Variants in PEX5L observed in about 807,000 individuals in gnomAD.
PEX5L encodes the protein PEX5-related protein.
In PEX5L, 30 loss-of-function variants were observed where a neutral mutation model predicts 84.0. The observed-to-expected ratio is 0.36, with a 90% CI of 0.27 to 0.48. The LOEUF (loss-of-function observed/expected upper bound fraction) is 0.48, where lower values mean the gene tolerates loss of function less well. Ranked by LOEUF, PEX5L falls within the 20% of genes least tolerant of loss-of-function variation. PEX5L has a pLI of 0.99. For synonymous variants in PEX5L, 270 were observed against 283.1 expected, an observed-to-expected ratio of 0.95 and a Z score of 0.46; for missense variants, 533 against 754.6, an observed-to-expected ratio of 0.71 and a Z score of 3.44.
intron 1 of PEX5L, among the ~76,000 whole-genome samples, chr3:180,017,302 AT>A (rs1355165129): frequency 1.3e-5 from 2 of 152,212 alleles, no homozygotes; most frequent in African/African-American, 4.8e-5. Flanking sequence ...TTTTCCTCAC[AT>A]AACATCTAGG....
intron 2 of PEX5L, among the ~76,000 whole-genome samples, chr3:179,942,434 G>T (rs1776392832): frequency 6.6e-6 from 1 of 152,246 alleles, no homozygotes; most frequent in Non-Finnish European, 1.5e-5. Context: ...GAGGCGGCTG[G>T]GCGGGGCTGG....
intron 12 of PEX5L, 23 bp from the exon 13 acceptor site, chr3:179,808,460 GATTTGTAATCCAA>G: frequency 7.2e-7 from 1 of 1,394,296 alleles, no homozygotes; most frequent in South Asian, 1.7e-5. Flanking sequence ...AAAAAAATTA[GATTTGTAATCCAA>G]ATAGTCAGAA....
intron 2 of PEX5L, among the ~76,000 whole-genome samples, chr3:179,931,659 A>G (rs1296275364): frequency 6.6e-6 from 1 of 152,022 alleles, no homozygotes; most frequent in African/African-American, 2.4e-5. Context: ...TTTTTTTTCT[A>G]AAGAGGTTCA....
chr3:179,818,239 CTATA>C (rs1214884615), intron 9 of PEX5L, among the ~76,000 whole-genome samples: 6 of 151,850 alleles, frequency 4.0e-5, no homozygotes, highest in Admixed American at 2.0e-4. Flanking sequence ...ATATACTTAT[CTATA>C]TATAGTTTTT....
intron 2 of PEX5L, among the ~76,000 whole-genome samples, chr3:179,911,612 G>A (rs1290198481): frequency 6.6e-6 from 1 of 152,102 alleles, no homozygotes; most frequent in East Asian, 1.9e-4. Context: ...GGAGTCCATA[G>A]AATCTGAAAG....
chr3:179,999,571 T>C (rs955905232), intron 1 of PEX5L, among the ~76,000 whole-genome samples: 2 of 152,204 alleles, frequency 1.3e-5, no homozygotes, highest in African/African-American at 4.8e-5. Context: ...TGGTGGCAGA[T>C]TGACTGTATT....
At chr3:179,900,840 C>A (rs954054976) in intron 2 of PEX5L, 10 of 712,952 alleles carry the variant, frequency 1.4e-5, no homozygotes, top group Non-Finnish European at 2.4e-5. Flanking sequence ...CACTGTTTTA[C>A]AAGTGCGGTA....
intron 8 of PEX5L, among the ~76,000 whole-genome samples, chr3:179,821,033 T>C (rs1055295103): frequency 5.3e-5 from 8 of 152,036 alleles, no homozygotes; most frequent in South Asian, 2.1e-4. Context: ...GGCCGGGAAA[T>C]AGAAAGTGAA....
chr3:179,942,980 G>A (rs147460109), intron 2 of PEX5L, among the ~76,000 whole-genome samples: 41 of 152,316 alleles, frequency 2.7e-4, no homozygotes, highest in African/African-American at 9.1e-4. Context: ...CTCTGAACCT[G>A]TTTCCTTATC....
Position 179,855,117 on chromosome 3 carries a change from G to T in PEX5L, c.822+3945C>A, listed in dbSNP as rs79902902. 2.0e-5 allele frequency among the ~76,000 whole-genome samples: 3 copies of T among 152,322 alleles called. No individual in the cohort carries two copies. In the East Asian group the frequency reaches 5.8e-4, roughly 29 times the overall value. Reference sequence around the variant, plus strand: ...TGGGAGAGGAACAGAGAGAAAGGCAGAAGCCAAAACACCTGGAGCTCAGTA... The same window carrying T: ...TGGGAGAGGAACAGAGAGAAAGGCATAAGCCAAAACACCTGGAGCTCAGTA... On this transcript the variant is annotated intron_variant, in intron 8 of 14. Transcript: ENST00000467460.
intron 2 of PEX5L, among the ~76,000 whole-genome samples, chr3:179,923,533 A>G (rs1258535248): frequency 6.6e-6 from 1 of 152,200 alleles, no homozygotes; most frequent in Admixed American, 6.5e-5. Flanking sequence ...CAATTAAATT[A>G]GAAACTAGGG....
chr3:179,982,605 G>A (rs1420666160), intron 1 of PEX5L, among the ~76,000 whole-genome samples: 1 of 152,166 alleles, frequency 6.6e-6, no homozygotes, highest in Admixed American at 6.5e-5. Context: ...TGAGAGCACT[G>A]TAAGAGTTCC....
At chr3:180,027,902 T>G (rs1791109724) in intron 1 of PEX5L, among the ~76,000 whole-genome samples, 1 of 152,196 alleles carries the variant, frequency 6.6e-6, no homozygotes, top group South Asian at 2.1e-4. Flanking sequence ...TGGGTTTGTC[T>G]GTTTTCTCAT....
chr3:179,833,888 G>A (rs932639777), intron 8 of PEX5L, among the ~76,000 whole-genome samples: 2 of 152,178 alleles, frequency 1.3e-5, no homozygotes, highest in African/African-American at 2.4e-5. Flanking sequence ...AGGCTAGAGT[G>A]CAGTGGTGCA....
intron 7 of PEX5L, among the ~76,000 whole-genome samples, chr3:179,867,827 A>G (rs1469303252): frequency 1.3e-5 from 2 of 152,138 alleles, no homozygotes; most frequent in Non-Finnish European, 2.9e-5. Flanking sequence ...TGACAATCCT[A>G]ATTTGTTTTA....
chr3:179,962,705 G>T, intron 2 of PEX5L, among the ~76,000 whole-genome samples: 1 of 152,036 alleles, frequency 6.6e-6, no homozygotes, highest in East Asian at 1.9e-4. Flanking sequence ...AAATAAGTAC[G>T]GCAACACTCC....
intron 2 of PEX5L, among the ~76,000 whole-genome samples, chr3:179,961,860 C>G (rs1209776133): frequency 6.6e-6 from 1 of 152,078 alleles, no homozygotes; most frequent in Non-Finnish European, 1.5e-5. Flanking sequence ...AACGGATGGG[C>G]CTGAAAGCTG....
chr3:179,986,907 C>A (rs930703392), intron 1 of PEX5L, among the ~76,000 whole-genome samples: 5 of 152,082 alleles, frequency 3.3e-5, no homozygotes, highest in Non-Finnish European at 5.9e-5. Flanking sequence ...AGAAAAATAT[C>A]AAAAGGTCAA....
At chr3:179,892,940 T>G (rs1410371623) in intron 3 of PEX5L, among the ~76,000 whole-genome samples, 6 of 152,176 alleles carry the variant, frequency 3.9e-5, no homozygotes, top group African/African-American at 1.4e-4. Flanking sequence ...ATGCTGATTT[T>G]AAATCACAGA....
Sources: allele counts gnomAD v4.1 joint callset (sites outside exome capture counted in the v4.1 genomes callset), GRCh38; gene constraint gnomAD v4.1.1; transcripts MANE v1.5; gene names NCBI Gene and HGNC (gene_info 2026-07-23, HGNC 2026-07-21).